Variants in DNAJC10 observed in about 807,000 individuals in gnomAD.
DNAJC10 encodes the protein DnaJ heat shock protein family (Hsp40) member C10, also known as endoplasmic reticulum disulfide reductase DNAJC10.
A neutral mutation model predicts 115.0 loss-of-function variants in DNAJC10; 101 were observed. The observed-to-expected ratio is 0.88, with a 90% CI of 0.75 to 1.04. DNAJC10 has a LOEUF of 1.04. DNAJC10 is among the 50% of genes least tolerant of loss of function. The probability of loss-of-function intolerance (pLI) is 0.00; values close to 1 mark genes in which losing one functional copy is unlikely to be tolerated. For missense variants in DNAJC10, 981 were observed against 928.8 expected (o/e 1.06, Z -0.73); for synonymous variants, 307 against 301.5 (o/e 1.02, Z -0.19).
Position 182,788,682 on chromosome 2 carries a change from T to C in DNAJC10, c.*11550T>C, listed in dbSNP as rs901679044. ...CCCAGAGAACAAAAGGAAGTGAGCT[T>C]ATCCCACAGCACAAGTAACGTCTAT... is the stretch of plus-strand genomic sequence containing the variant. On this transcript the variant is annotated 3_prime_UTR_variant, in exon 24 of 24. Coordinates refer to ENST00000264065, the MANE Select transcript of DNAJC10 (RefSeq NM_018981.4). 1.6e-5 allele frequency: 6 copies of C among 378,680 alleles called. No individual in the cohort carries two copies. Among genetic ancestry groups the C allele is most frequent in the Non-Finnish European group, 3.1e-5 (6 of 193,986 alleles). The allele number at this position is 378,680 out of a possible 1,614,324, so 23.5% of individuals were successfully genotyped here. A position where few individuals can be genotyped will look rare whatever the true frequency, so the allele number is the denominator to read the frequency against.
In DNAJC10 at chr2:182,736,381, A is replaced by G. The variant is rs1278829854; in HGVS notation, c.982A>G (p.Ile328Val). The G allele has an allele frequency of 3.8e-6, 6 of 1,571,040 alleles. No homozygotes were observed. Among genetic ancestry groups the G allele is most frequent in the Middle Eastern group, 3.4e-4 (2 of 5,938 alleles). The part of the protein sequence containing the change: ...ATLNNKEKNS[I>V]LFLNSLDAKE... The stretch of plus-strand genomic sequence containing the variant: ...TTTAAATAACAAAGAGAAAAACAGT[A>G]TTTTGGTATGAATCACTTTAAACTA... The change falls in exon 11 of 24, where the codon ATT (isoleucine) becomes GTT (valine). Residue 328 changes from isoleucine (I) to valine (V), a missense_variant. Physicochemically the swap from Ile to Val is conservative, Grantham distance 29. Coordinates refer to ENST00000264065, the MANE Select transcript of DNAJC10 (RefSeq NM_018981.4).
intron 10 of DNAJC10, among the ~76,000 whole-genome samples, chr2:182,733,779 T>A (rs1330813144): frequency 9.9e-6 from 1 of 100,648 alleles, no homozygotes; most frequent in African/African-American, 3.4e-5. Flanking sequence ...CTCCAATCTC[T>A]CTCAGATAGA....
rs1694879193 is a variant in DNAJC10 at position 182,782,843 on chromosome 2, T to C, written c.*5711T>C. 2 of 152,218 alleles carry C rather than the reference T, an allele frequency of 1.3e-5. No homozygotes were observed. 9.4% of individuals were successfully genotyped at this position (152,218 alleles called of 1,614,324 possible). A position where few individuals can be genotyped will look rare whatever the true frequency, so the allele number is the denominator to read the frequency against. ...CTGAGATGATGGGGTTTTCTAAATA[T>C]ACAATTATGTCATCTGCAAACAGAG... On this transcript the variant is annotated 3_prime_UTR_variant, in exon 24 of 24. Coordinates refer to ENST00000264065, the MANE Select transcript of DNAJC10 (RefSeq NM_018981.4).
chr2:182,732,473 G>T, intron 9 of DNAJC10, 26 bp from the exon 10 acceptor site: 2 of 1,612,796 alleles, frequency 1.2e-6, no homozygotes, highest in South Asian at 2.2e-5. Flanking sequence ...AGGTAAAACT[G>T]CCTCATAAGG....
In DNAJC10 at chr2:182,729,687, A is replaced by G. The variant is rs140062044; in HGVS notation, c.634-161A>G. ...TGTGTTCCATAGAATCTGTACTGTC[A>G]AGATTATCAGGATATCATTTGGAAA... On this transcript the variant is annotated intron_variant, in intron 7 of 23. Coordinates refer to ENST00000264065, the MANE Select transcript of DNAJC10 (RefSeq NM_018981.4). The G allele has an allele frequency of 5.9e-5, 27 of 460,778 alleles. No individual in the cohort carries two copies. In the East Asian group the frequency reaches 7.6e-4, roughly 13 times the overall value. The allele number at this position is 460,778 out of a possible 1,614,324, so 28.5% of individuals were successfully genotyped here. A position where few individuals can be genotyped will look rare whatever the true frequency, so the allele number is the denominator to read the frequency against.
intron 22 of DNAJC10, among the ~76,000 whole-genome samples, chr2:182,772,507 G>C (rs774482662): frequency 6.6e-6 from 1 of 152,088 alleles, no homozygotes; most frequent in Non-Finnish European, 1.5e-5. Flanking sequence ...TCCTGTATTG[G>C]GTCCATATAT....
At chr2:182,735,262 G>A (rs990260563) in intron 10 of DNAJC10, among the ~76,000 whole-genome samples, 4 of 151,494 alleles carry the variant, frequency 2.6e-5, no homozygotes, top group South Asian at 2.1e-4. Context: ...GCTACCTAAC[G>A]CAAGAGTACT....
At chr2:182,728,766 A>C in intron 6 of DNAJC10, 97 bp from the exon 7 acceptor site, 1 of 1,508,008 alleles carries the variant, frequency 6.6e-7, no homozygotes, top group Non-Finnish European at 9.1e-7. Flanking sequence ...ATTATCAAAT[A>C]CTTTAAATGT....
At chr2:182,771,753 G>A (rs984166979) in intron 22 of DNAJC10, among the ~76,000 whole-genome samples, 1 of 151,906 alleles carries the variant, frequency 6.6e-6, no homozygotes, top group Non-Finnish European at 1.5e-5. Flanking sequence ...TATCAATTTT[G>A]TTGATCTTTT....
In DNAJC10 at chr2:182,756,292, A is replaced by G. The variant is rs536428722; in HGVS notation, c.1654-22A>G. ...AGCTATGCTTTATATATATGTTATA[A>G]TGGAAGCTATATTCTCTTCAGGATC... On this transcript the variant is annotated intron_variant, in intron 17 of 23. Transcript: ENST00000264065. 3 of 1,595,624 alleles carry G rather than the reference A, an allele frequency of 1.9e-6. No individual in the cohort carries two copies. The African/African-American group carries it at 4.0e-5, about 21-fold the overall frequency.
intron 21 of DNAJC10, among the ~76,000 whole-genome samples, chr2:182,760,184 A>G (rs957984952): frequency 2.6e-5 from 4 of 152,092 alleles, no homozygotes; most frequent in Non-Finnish European, 1.5e-5. Context: ...TCTCTCTAAA[A>G]TGCTCTGTCC....
chr2:182,752,678 G>A (rs1261310602), intron 16 of DNAJC10: 18 of 433,754 alleles, frequency 4.1e-5, no homozygotes, highest in Non-Finnish European at 5.1e-5. Flanking sequence ...ACCGTAGAAT[G>A]AAAGTACGTA....
At position 182,728,858 on chromosome 2, in the gene DNAJC10, C is replaced by A; in HGVS notation, c.502-5C>A. ...AGAGAAATATGTTTTCTTTTTCTGT[C>A]ATAGTGGAGAGACTTTGCTAAAGAA... is the stretch of plus-strand genomic sequence containing the variant. On this transcript the variant is annotated splice_region_variant and splice_polypyrimidine_tract_variant and intron_variant, in intron 6 of 23. Coordinates refer to ENST00000264065, the MANE Select transcript of DNAJC10 (RefSeq NM_018981.4). 1 of 1,613,730 alleles carries A rather than the reference C, an allele frequency of 6.2e-7. No homozygotes were observed. The highest frequency in any genetic ancestry group is 2.2e-5 in the East Asian group (1 of 44,836).
Position 182,777,849 on chromosome 2 carries a change from C to CAGTA in DNAJC10, c.*722_*725dup, listed in dbSNP as rs1234187015. ...AACAGTGCAGCAGTATATGTGCACA[C>CAGTA]AGTAAGTACACAAATTTGAGCAACA... On this transcript the variant is annotated 3_prime_UTR_variant, in exon 24 of 24. Transcript: ENST00000264065. 4 of 152,062 alleles carry CAGTA rather than the reference C, an allele frequency of 2.6e-5. No homozygotes were observed. Among genetic ancestry groups the CAGTA allele is most frequent in the Non-Finnish European group, 4.4e-5 (3 of 68,006 alleles). 9.4% of individuals were successfully genotyped at this position (152,062 alleles called of 1,614,324 possible).
At chr2:182,727,612 T>G (rs1032763338) in intron 5 of DNAJC10, among the ~76,000 whole-genome samples, 12 of 152,114 alleles carry the variant, frequency 7.9e-5, no homozygotes, top group African/African-American at 2.9e-4. Context: ...CAGGTCTGTC[T>G]TATACTTGAA....
rs1363634476 is a variant in DNAJC10, at chr2:182,785,793, A to G, written c.*8661A>G. On this transcript the variant is annotated 3_prime_UTR_variant, in exon 24 of 24. Transcript: ENST00000264065. ...TATATATACATAGATCTATAGAGAC[A>G]GTAGGATATATTTCATATATATATG... 1 of 152,204 alleles carries G rather than the reference A, an allele frequency of 6.6e-6. No individual in the cohort carries two copies. Among genetic ancestry groups the G allele is most frequent in the Non-Finnish European group, 1.5e-5 (1 of 68,026 alleles). The allele number at this position is 152,204 out of a possible 1,614,324, so 9.4% of individuals were successfully genotyped here. A position where few individuals can be genotyped will look rare whatever the true frequency, so the allele number is the denominator to read the frequency against.
intron 19 of DNAJC10, among the ~76,000 whole-genome samples, chr2:182,758,234 T>C (rs975128720): frequency 3.3e-5 from 5 of 152,184 alleles, no homozygotes; most frequent in African/African-American, 1.2e-4. Context: ...CTAGGAGTTA[T>C]CTAAGGCTTA....
rs1241449772 is a variant in DNAJC10, at chr2:182,756,542, C to T, written c.1809+73C>T. 2.2e-5 allele frequency: 31 copies of T among 1,432,132 alleles called. 1 individual carries two copies. In the East Asian group the frequency reaches 2.7e-4, roughly 12 times the overall value. The allele number at this position is 1,432,132 out of a possible 1,614,324, so 88.7% of individuals were successfully genotyped here. On this transcript the variant is annotated intron_variant, in intron 18 of 23. Coordinates refer to ENST00000264065, the MANE Select transcript of DNAJC10 (RefSeq NM_018981.4). The stretch of plus-strand genomic sequence containing the variant: ...TTTATTTAACAGAATTATTTTGAAA[C>T]GGATGTGAATGAACCCACAACTAAA...
At chr2:182,755,812 G>A (rs1398058530) in intron 17 of DNAJC10, among the ~76,000 whole-genome samples, 1 of 152,172 alleles carries the variant, frequency 6.6e-6, no homozygotes, top group Non-Finnish European at 1.5e-5. Context: ...TATGGCCTCT[G>A]TAGACATCCA....
Sources: gnomAD v4.1 joint callset for allele counts (sites outside exome capture counted in the v4.1 genomes callset) on GRCh38, gnomAD v4.1.1 for gene constraint, MANE v1.5 for transcripts, NCBI Gene and HGNC (gene_info 2026-07-23, HGNC 2026-07-21) for gene names.